The following ZFAT variants were observed in gnomAD, a reference collection of about 807,000 sequenced individuals.
The protein encoded by ZFAT is zinc finger protein ZFAT.
In ZFAT, 64 loss-of-function variants were observed where a neutral mutation model predicts 117.7. The ratio of observed to expected loss-of-function variants is 0.54; its 90% CI spans 0.44 to 0.67. The LOEUF is 0.67. ZFAT is among the 30% of genes least tolerant of loss of function. The probability of loss-of-function intolerance (pLI) is 0.00; values close to 1 mark genes in which losing one functional copy is unlikely to be tolerated. For missense variants in ZFAT, 1,433 were observed against 1,584.5 expected (o/e 0.90, Z 1.62); for synonymous variants, 679 against 615.0 (o/e 1.10, Z -1.54).
chr8:134,701,536 T>C (rs1170643310), intron 1 of ZFAT, among the ~76,000 whole-genome samples: 1 of 152,250 alleles, frequency 6.6e-6, no homozygotes, highest in Admixed American at 6.5e-5. Context: ...AGAAGCGAAG[T>C]TGCTAAATCA....
At chr8:134,779,018 G>A in the ZFAT span, among the ~76,000 whole-genome samples, 34 of 152,284 alleles carry the variant, frequency 2.2e-4, no homozygotes, top group African/African-American at 7.2e-4. Flanking sequence ...TGCTTTACAT[G>A]GTGGGCTTTG....
intron 8 of ZFAT, 100 bp from the exon 9 acceptor site, chr8:134,588,495 G>T: frequency 7.6e-7 from 1 of 1,309,356 alleles, no homozygotes; most frequent in South Asian, 1.6e-5. Context: ...GAGGAATCAA[G>T]GTGTGCCTCA....
chr8:134,540,886 T>C (rs1033708275), intron 11 of ZFAT, among the ~76,000 whole-genome samples: 1 of 152,232 alleles, frequency 6.6e-6, no homozygotes, highest in Non-Finnish European at 1.5e-5. Flanking sequence ...AGGTATTTGT[T>C]CATCTTGATT....
intron 11 of ZFAT, chr8:134,565,040 C>G (rs936492645): frequency 1.0e-5 from 14 of 1,376,746 alleles, no homozygotes; most frequent in Non-Finnish European, 1.1e-5. Context: ...AGCCTGCAAG[C>G]CTTCCTCTAA....
chr8:134,686,829 C>T (rs191588912), intron 1 of ZFAT, among the ~76,000 whole-genome samples: 5 of 152,320 alleles, frequency 3.3e-5, no homozygotes, highest in African/African-American at 4.8e-5. Flanking sequence ...TCCTAAGTGG[C>T]TCTCACACTT....
At chr8:134,658,357 A>G (rs1015474057) in intron 1 of ZFAT, among the ~76,000 whole-genome samples, 12 of 151,760 alleles carry the variant, frequency 7.9e-5, no homozygotes, top group African/African-American at 2.9e-4. Context: ...AAAATTTGCA[A>G]CTTAAAAAAC....
intron 10 of ZFAT, among the ~76,000 whole-genome samples, chr8:134,570,915 A>G (rs1468837683): frequency 2.0e-5 from 3 of 152,214 alleles, no homozygotes; most frequent in Non-Finnish European, 2.9e-5. Flanking sequence ...AAGCAAGCCA[A>G]TCTGCTGGGG....
At chr8:134,504,421 A>G (rs1478702112) in intron 15 of ZFAT, among the ~76,000 whole-genome samples, 1 of 152,164 alleles carries the variant, frequency 6.6e-6, no homozygotes, top group African/African-American at 2.4e-5. Context: ...AGGTGTACTT[A>G]TTACTTAAAA....
intron 11 of ZFAT, among the ~76,000 whole-genome samples, chr8:134,539,758 CA>C (rs1417636103): frequency 2.0e-5 from 3 of 152,152 alleles, no homozygotes; most frequent in Admixed American, 2.0e-4. Context: ...AGAATGCGGA[CA>C]ACTTTACAAC....
Position 134,565,348 on chromosome 8 carries a change from C to T in ZFAT, c.2961G>A (p.Gln987=), listed in dbSNP as rs1445108124. Residue 987 remains glutamine (Q), a synonymous_variant, in exon 11 of 16, where the codon CAG becomes CAA. Transcript: ENST00000377838. ...QKPQLLRHME[Q]HVSFKPFRCA... ...GCCCTCTTACCTTGAAGGAGACATG[C>T]TGTTCCATGTGCCGCAGCAGCTGTG... The T allele has an allele frequency of 6.2e-7, 1 of 1,613,732 alleles. No individual in the cohort carries two copies. Among genetic ancestry groups the T allele is most frequent in the Non-Finnish European group, 8.5e-7 (1 of 1,179,866 alleles).
chr8:134,648,127 A>G (rs1831006097), intron 2 of ZFAT, among the ~76,000 whole-genome samples: 1 of 152,094 alleles, frequency 6.6e-6, no homozygotes, highest in Non-Finnish European at 1.5e-5. Flanking sequence ...ATATATATGT[A>G]TAACAAATCA....
At chr8:134,694,443 A>T (rs1833730204) in intron 1 of ZFAT, among the ~76,000 whole-genome samples, 2 of 152,254 alleles carry the variant, frequency 1.3e-5, no homozygotes, top group Non-Finnish European at 2.9e-5. Context: ...ACTAACACTC[A>T]GGAGACTGAG....
chr8:134,614,868 C>T (rs572029060), intron 3 of ZFAT, among the ~76,000 whole-genome samples: 61 of 152,140 alleles, frequency 4.0e-4, no homozygotes, highest in African/African-American at 1.4e-3. Flanking sequence ...GGAAGTCAGA[C>T]CAAACAACGT....
At chr8:134,759,700 G>C in the ZFAT span, among the ~76,000 whole-genome samples, 1 of 152,012 alleles carries the variant, frequency 6.6e-6, no homozygotes, top group African/African-American at 2.4e-5. Context: ...TCCCAGCTGG[G>C]CGCGATGGCT....
intron 1 of ZFAT, among the ~76,000 whole-genome samples, chr8:134,676,763 A>G (rs1313216977): frequency 6.6e-6 from 1 of 152,258 alleles, no homozygotes; most frequent in African/African-American, 2.4e-5. Flanking sequence ...ACCACAGTGC[A>G]ATCAAATTAG....
chr8:134,550,289 C>T (rs1465773725), intron 11 of ZFAT, among the ~76,000 whole-genome samples: 1 of 120,596 alleles, frequency 8.3e-6, no homozygotes, highest in Admixed American at 1.1e-4. Flanking sequence ...ACTTACATTC[C>T]ATCCAGGGTT....
At chr8:134,581,984 A>T (rs1252371549) in intron 10 of ZFAT, among the ~76,000 whole-genome samples, 1 of 152,126 alleles carries the variant, frequency 6.6e-6, no homozygotes, top group African/African-American at 2.4e-5. Context: ...GCAGAAAGAA[A>T]GAAAGAGAAA....
chr8:134,656,117 G>T (rs1467948897), intron 2 of ZFAT, among the ~76,000 whole-genome samples: 1 of 152,150 alleles, frequency 6.6e-6, no homozygotes, highest in East Asian at 1.9e-4. Flanking sequence ...TCTGGCCAGG[G>T]GTCAGGACTC....
intron 11 of ZFAT, among the ~76,000 whole-genome samples, chr8:134,561,858 G>C (rs1321621357): frequency 1.3e-5 from 2 of 152,148 alleles, no homozygotes; most frequent in Non-Finnish European, 2.9e-5. Flanking sequence ...ATCTACCACA[G>C]AGTAGACGTA....
Sources: gnomAD v4.1 joint callset for allele counts (sites outside exome capture counted in the v4.1 genomes callset) on GRCh38, gnomAD v4.1.1 for gene constraint, MANE v1.5 for transcripts, NCBI Gene and HGNC (gene_info 2026-07-23, HGNC 2026-07-21) for gene names.